PPM1H: variants seen among roughly 807,000 people sequenced by gnomAD.
PPM1H encodes the protein protein phosphatase, Mg2+/Mn2+ dependent 1H, also known as protein phosphatase 1H.
Under a neutral mutation model 54.9 loss-of-function variants are expected in PPM1H, and 27 were observed. The observed-to-expected ratio is 0.49, with a 90% CI of 0.36 to 0.68. The LOEUF (loss-of-function observed/expected upper bound fraction) is 0.68. Among genes scored for constraint, PPM1H ranks in the 30% least tolerant of loss-of-function variants. The probability of loss-of-function intolerance (pLI) is 0.00; values close to 1 mark genes in which losing one functional copy is unlikely to be tolerated. For missense variants in PPM1H, 596 were observed against 667.8 expected (o/e 0.89, Z 1.19); for synonymous variants, 305 against 270.8 (o/e 1.13, Z -1.24).
At chr12:62,757,590 A>T (rs1305008928) in intron 4 of PPM1H, among the ~76,000 whole-genome samples, 1 of 152,224 alleles carries the variant, frequency 6.6e-6, no homozygotes, top group Admixed American at 6.5e-5. Context: ...CCAGAAATGT[A>T]CCATCATAGA....
intron 1 of PPM1H, among the ~76,000 whole-genome samples, chr12:62,933,348 TGCCCCGGGGTATCCGG>T (rs1342250031): frequency 6.6e-6 from 1 of 152,068 alleles, no homozygotes; most frequent in East Asian, 1.9e-4. Flanking sequence ...GAACCAAGCC[TGCCCCGGGGTATCCGG>T]GCCACCAGAA....
intron 4 of PPM1H, among the ~76,000 whole-genome samples, chr12:62,764,227 G>A (rs1423900423): frequency 1.3e-5 from 2 of 152,208 alleles, no homozygotes; most frequent in Non-Finnish European, 2.9e-5. Context: ...AGACTCTGGA[G>A]TCAGGATGTG....
At chr12:62,822,745 T>C (rs2076911980) in intron 2 of PPM1H, among the ~76,000 whole-genome samples, 2 of 151,446 alleles carry the variant, frequency 1.3e-5, no homozygotes, top group African/African-American at 2.4e-5. Flanking sequence ...CTTAAAGCAG[T>C]GTGTAGAGGG....
At chr12:62,795,457 A>ATT (rs895885356) in intron 3 of PPM1H, among the ~76,000 whole-genome samples, 1 of 151,620 alleles carries the variant, frequency 6.6e-6, no homozygotes, top group East Asian at 1.9e-4. Context: ...ATATATATAT[A>ATT]TTTTTGAGAC....
chr12:62,725,625 T>A (rs554246088), intron 5 of PPM1H, among the ~76,000 whole-genome samples: 10 of 152,372 alleles, frequency 6.6e-5, no homozygotes, highest in African/African-American at 1.4e-4. Flanking sequence ...TAAAGTCTCC[T>A]GTGTCATGTA....
intron 1 of PPM1H, among the ~76,000 whole-genome samples, chr12:62,931,434 C>T (rs1322361822): frequency 2.6e-5 from 4 of 152,164 alleles, no homozygotes; most frequent in South Asian, 2.1e-4. Context: ...TTTCTCTTTC[C>T]TTCCCTATTT....
intron 2 of PPM1H, among the ~76,000 whole-genome samples, chr12:62,827,528 A>C (rs1002028685): frequency 2.0e-5 from 3 of 152,090 alleles, no homozygotes; most frequent in African/African-American, 7.2e-5. Flanking sequence ...TGTCTAAAAT[A>C]CTTTGGTAAA....
intron 4 of PPM1H, among the ~76,000 whole-genome samples, chr12:62,762,025 T>C (rs528371210): frequency 1.3e-5 from 2 of 152,334 alleles, no homozygotes; most frequent in Non-Finnish European, 2.9e-5. Context: ...CAGTGCTCCG[T>C]CTGCAGCTCC....
chr12:62,679,893 T>C (rs548661439), intron 8 of PPM1H, among the ~76,000 whole-genome samples: 2 of 152,216 alleles, frequency 1.3e-5, no homozygotes, highest in Non-Finnish European at 2.9e-5. Flanking sequence ...CATCAACTTA[T>C]ATTACTTAGT....
At chr12:62,678,414 T>C (rs765537826) in intron 8 of PPM1H, among the ~76,000 whole-genome samples, 1 of 152,140 alleles carries the variant, frequency 6.6e-6, no homozygotes, top group Non-Finnish European at 1.5e-5. Flanking sequence ...CACATACAGG[T>C]TGGTTTCTGT....
At chr12:62,744,424 T>G (rs949398536) in intron 4 of PPM1H, among the ~76,000 whole-genome samples, 1 of 149,548 alleles carries the variant, frequency 6.7e-6, no homozygotes, top group Non-Finnish European at 1.5e-5. Context: ...TGAGCCGAGG[T>G]TGCACCACTG....
chr12:62,667,437 T>G, intron 8 of PPM1H, 108 bp from the exon 9 acceptor site: 2 of 997,404 alleles, frequency 2.0e-6, no homozygotes, highest in East Asian at 2.6e-5. Flanking sequence ...CCTAGTGGTT[T>G]TCAGATATGC....
chr12:62,675,308 C>T (rs1484631349), intron 8 of PPM1H, among the ~76,000 whole-genome samples: 1 of 152,176 alleles, frequency 6.6e-6, no homozygotes, highest in African/African-American at 2.4e-5. Context: ...GCTGCTATTG[C>T]ATAAACATTC....
At chr12:62,651,291 T>C (rs1004418038) in intron 9 of PPM1H, among the ~76,000 whole-genome samples, 86 of 152,154 alleles carry the variant, frequency 5.7e-4, no homozygotes, top group African/African-American at 1.9e-3. Context: ...GAAAAAGAGA[T>C]AGACAGACAC....
intron 1 of PPM1H, among the ~76,000 whole-genome samples, chr12:62,876,421 G>A (rs1870171566): frequency 6.6e-6 from 1 of 152,146 alleles, no homozygotes; most frequent in South Asian, 2.1e-4. Context: ...GGCAAATCAG[G>A]CCATTTGTTA....
chr12:62,824,655 A>G (rs1868268647), intron 2 of PPM1H, among the ~76,000 whole-genome samples: 1 of 152,190 alleles, frequency 6.6e-6, no homozygotes, highest in African/African-American at 2.4e-5. Flanking sequence ...TGGGGAAAGG[A>G]TTCCCTATTT....
intron 2 of PPM1H, among the ~76,000 whole-genome samples, chr12:62,830,829 C>G (rs1017249974): frequency 2.6e-5 from 4 of 152,010 alleles, no homozygotes; most frequent in Non-Finnish European, 5.9e-5. Flanking sequence ...AATCCCTGAG[C>G]ATAGACGCAA....
intron 9 of PPM1H, among the ~76,000 whole-genome samples, chr12:62,651,908 C>T (rs1192845730): frequency 6.6e-6 from 1 of 152,170 alleles, no homozygotes; most frequent in African/African-American, 2.4e-5. Context: ...TCCTTTCTTT[C>T]TGGGGCTCCC....
At chr12:62,691,452 C>T (rs1019704321) in intron 7 of PPM1H, among the ~76,000 whole-genome samples, 5 of 152,094 alleles carry the variant, frequency 3.3e-5, no homozygotes, top group Admixed American at 6.5e-5. Flanking sequence ...AGCCTTGGTT[C>T]GGAAGGTAGG....
Sources: allele counts gnomAD v4.1 joint callset (sites outside exome capture counted in the v4.1 genomes callset), GRCh38; gene constraint gnomAD v4.1.1; transcripts MANE v1.5; gene names NCBI Gene and HGNC (gene_info 2026-07-23, HGNC 2026-07-21).